OR11G2: variants seen among roughly 807,000 people sequenced by gnomAD.
The protein encoded by OR11G2 is olfactory receptor family 11 subfamily G member 2.
OR11G2 carries 2 observed loss-of-function variants against 0.9 expected under a neutral mutation model. The ratio of observed to expected loss-of-function variants is 2.35; its 90% CI spans 0.96 to 7.38. OR11G2 has a LOEUF of 7.38. Ranked by LOEUF, OR11G2 falls within the 30% of genes most tolerant of loss-of-function variation. The pLI, the probability that OR11G2 is intolerant of heterozygous loss-of-function variation, is 0.05. For synonymous variants in OR11G2, 153 were observed against 142.0 expected, an observed-to-expected ratio of 1.08 and a Z score of -0.55; for missense variants, 395 against 371.3, an observed-to-expected ratio of 1.06 and a Z score of -0.52.
At position 20,197,667 on chromosome 14, in the gene OR11G2, A is replaced by C. The variant is rs772386856; in HGVS notation, c.230A>C (p.Tyr77Ser). 1 of 1,613,908 alleles carries C rather than the reference A, an allele frequency of 6.2e-7. No individual in the cohort carries two copies. Among genetic ancestry groups the C allele is most frequent in the Admixed American group, 1.7e-5 (1 of 60,016 alleles). The change falls in exon 2 of 2, where the codon TAT (tyrosine) becomes TCT (serine). Residue 77 changes from tyrosine (Y) to serine (S), a missense_variant. Transcript: ENST00000641879. ...AACTTCTCCTTCTTGGAGATATGTT[A>C]TGTCACCTCCACAGTCCCCAGCATG... The part of the protein sequence containing the change: ...LANFSFLEIC[Y>S]VTSTVPSMLA...
chr14:20,194,190 G>A (rs1372782172), intron 1 of OR11G2, among the ~76,000 whole-genome samples: 1 of 152,150 alleles, frequency 6.6e-6, no homozygotes, highest in Non-Finnish European at 1.5e-5. Context: ...TGAAATCTAT[G>A]TGCAAGGAAA....
At chr14:20,196,197 T>G (rs1879749497) in intron 1 of OR11G2, among the ~76,000 whole-genome samples, 1 of 152,224 alleles carries the variant, frequency 6.6e-6, no homozygotes, top group Non-Finnish European at 1.5e-5. Context: ...AAAGTTATCC[T>G]GTTTCTATGC....
chr14:20,200,061 G>A lies in OR11G2; in HGVS notation c.*1688G>A, dbSNP rs919173983. The stretch of plus-strand genomic sequence containing the variant: ...TGGAGTGAAAGGTCATGCTATGATT[G>A]AAGTGTCTTCACTAATCCAAATACC... On this transcript the variant is annotated 3_prime_UTR_variant, in exon 2 of 2. Coordinates refer to ENST00000641879, the MANE Select transcript of OR11G2 (RefSeq NM_001386033.1). The A allele has an allele frequency of 6.7e-6, 1 of 148,950 alleles. No individual in the cohort carries two copies. The highest frequency in any genetic ancestry group is 1.5e-5 in the Non-Finnish European group (1 of 67,532). 9.2% of individuals were successfully genotyped at this position (148,950 alleles called of 1,614,324 possible). A position where few individuals can be genotyped will look rare whatever the true frequency, so the allele number is the denominator to read the frequency against.
chr14:20,198,202 C>G lies in OR11G2; in HGVS notation c.765C>G (p.Phe255Leu), dbSNP rs146491252. 1.9e-6 allele frequency: 3 copies of G among 1,614,012 alleles called. No homozygotes were observed. The African/African-American group carries it at 4.0e-5, about 22-fold the overall frequency. The change falls in exon 2 of 2, where the codon TTC (phenylalanine) becomes TTG (leucine). Residue 255 changes from phenylalanine (F) to leucine (L), a missense_variant. Phe to Leu is a conservative substitution (Grantham distance 22). Transcript: ENST00000641879. ...CTCACCTGGCTGTGGTTTCACTGTT[C>G]TACGGCTCAGTACTGGTCATGTATG... ...CGSHLAVVSL[F>L]YGSVLVMYGS... is the part of the protein sequence containing the mutation.
Position 20,197,701 on chromosome 14 carries a change from C to A in OR11G2, c.264C>A (p.Asn88Lys). 3 of 1,614,006 alleles carry A rather than the reference C, an allele frequency of 1.9e-6. No individual in the cohort carries two copies. The highest frequency in any genetic ancestry group is 2.7e-5 in the African/African-American group (2 of 75,042). Reference sequence around the variant, plus strand: ...CCACAGTCCCCAGCATGCTGGCCAACTTCCTCTCTGACACCAAGATCATCT... The same window carrying A: ...CCACAGTCCCCAGCATGCTGGCCAAATTCCTCTCTGACACCAAGATCATCT... ...VTSTVPSMLA[N>K]FLSDTKIISF... Residue 88 changes from asparagine to lysine, a missense_variant, in exon 2 of 2, where the codon AAC becomes AAA. By Grantham distance (94) the Asn-to-Lys change is moderately conservative (BLOSUM62 0). Coordinates refer to ENST00000641879, the MANE Select transcript of OR11G2 (RefSeq NM_001386033.1).
intron 1 of OR11G2, among the ~76,000 whole-genome samples, chr14:20,194,065 G>C (rs1302820812): frequency 6.6e-6 from 1 of 152,202 alleles, no homozygotes; most frequent in South Asian, 2.1e-4. Context: ...GTGTGTGAGA[G>C]AGAGAAAGTT....
At chr14:20,195,022 A>G (rs1202921400) in intron 1 of OR11G2, among the ~76,000 whole-genome samples, 1 of 152,200 alleles carries the variant, frequency 6.6e-6, no homozygotes, top group Non-Finnish European at 1.5e-5. Context: ...AAAAGTGGAG[A>G]AGCAGAAAAG....
chr14:20,200,695 T>C lies in OR11G2; in HGVS notation c.*2322T>C, dbSNP rs555527541. On this transcript the variant is annotated 3_prime_UTR_variant, in exon 2 of 2. Coordinates refer to ENST00000641879, the MANE Select transcript of OR11G2 (RefSeq NM_001386033.1). ...CAGATATTTTTACACATGTGGGAAA[T>C]GTTTACTGCAGCATTGTTGTAATAG... 2 of 152,246 alleles carry C rather than the reference T, an allele frequency of 1.3e-5. No individual in the cohort carries two copies. Among genetic ancestry groups the C allele is most frequent in the South Asian group, 2.1e-4 (1 of 4,834 alleles). 9.4% of individuals were successfully genotyped at this position (152,246 alleles called of 1,614,324 possible).
chr14:20,201,033 A>G lies in OR11G2; in HGVS notation c.*2660A>G, dbSNP rs1047481495. The G allele has an allele frequency of 1.1e-4, 16 of 152,232 alleles. No individual in the cohort carries two copies. Among genetic ancestry groups the G allele is most frequent in the Admixed American group, 3.3e-4 (5 of 15,298 alleles). The allele number at this position is 152,232 out of a possible 1,614,324, so 9.4% of individuals were successfully genotyped here. On this transcript the variant is annotated 3_prime_UTR_variant, in exon 2 of 2. Coordinates refer to ENST00000641879, the MANE Select transcript of OR11G2 (RefSeq NM_001386033.1). ...AGATAGTAAAGGAGACTTTTTTTTC[A>G]TAACTCCTTTTGTGCGTTCAAATTC... is the stretch of plus-strand genomic sequence containing the variant.
rs1879884678 is a variant in OR11G2, at chr14:20,200,647, C to T, written c.*2274C>T. 6.6e-6 allele frequency: 1 copy of T among 152,116 alleles called. No homozygotes were observed. The highest frequency in any genetic ancestry group is 2.1e-4 in the South Asian group (1 of 4,822). The allele number at this position is 152,116 out of a possible 1,614,324, so 9.4% of individuals were successfully genotyped here. ...ACACATATCCTTTAAAACAGCACCT[C>T]AACTTTTAAGTTGTTTAACCTACAG... On this transcript the variant is annotated 3_prime_UTR_variant, in exon 2 of 2. Coordinates refer to ENST00000641879, the MANE Select transcript of OR11G2 (RefSeq NM_001386033.1).
In OR11G2 at chr14:20,198,097, G is replaced by T. The variant is rs1283989708; in HGVS notation, c.660G>T (p.Gly220=). The T allele has an allele frequency of 6.2e-7, 1 of 1,614,020 alleles. No individual in the cohort carries two copies. The highest frequency in any genetic ancestry group is 8.5e-7 in the Non-Finnish European group (1 of 1,180,012). Residue 220 remains glycine, a synonymous_variant, in exon 2 of 2, where the codon GGG becomes GGT. Coordinates refer to ENST00000641879, the MANE Select transcript of OR11G2 (RefSeq NM_001386033.1). The part of the protein sequence containing the change: ...PVFMLFLFIV[G]SYALVVRAVL... Reference sequence around the variant, plus strand: ...TTATGCTCTTTCTCTTCATTGTGGGGTCCTATGCTCTGGTCGTGAGAGCTG... The same window carrying T: ...TTATGCTCTTTCTCTTCATTGTGGGTTCCTATGCTCTGGTCGTGAGAGCTG...
rs2139114874 is a variant in OR11G2 at position 20,198,076 on chromosome 14, G to T, written c.639G>T (p.Met213Ile). ...FSVLSPLPVF[M>I]LFLFIVGSYA... ...TCTTAAGTCCTCTGCCTGTCTTTAT[G>T]CTCTTTCTCTTCATTGTGGGGTCCT... is the stretch of plus-strand genomic sequence containing the variant. Residue 213 changes from methionine to isoleucine, a missense_variant, in exon 2 of 2, where the codon ATG becomes ATT. Physicochemically the swap from Met to Ile is conservative, Grantham distance 10 (BLOSUM62 1). Transcript: ENST00000641879. 1 of 1,614,046 alleles carries T rather than the reference G, an allele frequency of 6.2e-7. No homozygotes were observed.
rs1302599281 is a variant in OR11G2 at position 20,197,469 on chromosome 14, G to A, written c.32G>A (p.Ser11Asn). ...ATCTTCAACAGCCCCAGCAACTCCA[G>A]CACCTTCACTGGCTTCATCCTCCTG... is the stretch of plus-strand genomic sequence containing the variant. MKIFNSPSNS[S>N]TFTGFILLGF... Residue 11 changes from serine (S) to asparagine (N), a missense_variant, in exon 2 of 2, where the codon AGC (serine) becomes AAC (asparagine). By Grantham distance (46) the Ser-to-Asn change is conservative. Coordinates refer to ENST00000641879, the MANE Select transcript of OR11G2 (RefSeq NM_001386033.1). 8 of 1,613,844 alleles carry A rather than the reference G, an allele frequency of 5.0e-6. No homozygotes were observed. Among genetic ancestry groups the A allele is most frequent in the Non-Finnish European group, 6.8e-6 (8 of 1,180,020 alleles).
Position 20,198,132 on chromosome 14 carries a change from T to A in OR11G2, c.695T>A (p.Val232Asp), listed in dbSNP as rs1451531259. ...CTGGTCGTGAGAGCTGTGTTGAGGG[T>A]CCCTTCAGCAGCTGGGAGAAGAAAG... The part of the protein sequence containing the change: ...YALVVRAVLR[V>D]PSAAGRRKAF... The change falls in exon 2 of 2, where the codon GTC (valine) becomes GAC (aspartate). Residue 232 changes from valine to aspartate, a missense_variant. Physicochemically the swap from Val to Asp is radical, Grantham distance 152. Coordinates refer to ENST00000641879, the MANE Select transcript of OR11G2 (RefSeq NM_001386033.1). 1 of 1,614,118 alleles carries A rather than the reference T, an allele frequency of 6.2e-7. No homozygotes were observed. Among genetic ancestry groups the A allele is most frequent in the Non-Finnish European group, 8.5e-7 (1 of 1,180,028 alleles).
Position 20,198,896 on chromosome 14 carries a change from T to C in OR11G2, c.*523T>C, listed in dbSNP as rs985680813. 1 of 152,490 alleles carries C rather than the reference T, an allele frequency of 6.6e-6. No homozygotes were observed. The highest frequency in any genetic ancestry group is 6.5e-5 in the Admixed American group (1 of 15,310). The allele number at this position is 152,490 out of a possible 1,614,324, so 9.4% of individuals were successfully genotyped here. On this transcript the variant is annotated 3_prime_UTR_variant, in exon 2 of 2. Transcript: ENST00000641879. ...ATGTTTTTTAATTGACTGGTGGGCA[T>C]TGTATTTTAAAAACTATAAAGACAA...
At chr14:20,196,296 T>C (rs185780312) in intron 1 of OR11G2, among the ~76,000 whole-genome samples, 1 of 152,372 alleles carries the variant, frequency 6.6e-6, no homozygotes, top group Admixed American at 6.5e-5. Context: ...CAAAGTGGCA[T>C]GTTTAGGGGC....
rs188654623 is a variant in OR11G2, at chr14:20,198,952, A to C, written c.*579A>C. ...GCAGTAATGAAGGTTTTGTTCTAGC[A>C]AGTAGATGGAGTAGAGGCAGATCAC... On this transcript the variant is annotated 3_prime_UTR_variant, in exon 2 of 2. Coordinates refer to ENST00000641879, the MANE Select transcript of OR11G2 (RefSeq NM_001386033.1). 3.3e-5 allele frequency: 5 copies of C among 152,380 alleles called. No homozygotes were observed. Among genetic ancestry groups the C allele is most frequent in the African/African-American group, 9.6e-5 (4 of 41,566 alleles). The allele number at this position is 152,380 out of a possible 1,614,324, so 9.4% of individuals were successfully genotyped here.
intron 1 of OR11G2, among the ~76,000 whole-genome samples, chr14:20,193,777 C>T (rs1382935121): frequency 1.3e-5 from 2 of 152,128 alleles, no homozygotes; most frequent in African/African-American, 4.8e-5. Context: ...GACTATAGAG[C>T]CCATGAGACT....
chr14:20,192,518 T>C (rs879347047), intron 1 of OR11G2, among the ~76,000 whole-genome samples: 6 of 152,194 alleles, frequency 3.9e-5, no homozygotes, highest in Non-Finnish European at 8.8e-5. Context: ...TGGGACATGT[T>C]CTATCACCCA....
Sources: allele counts gnomAD v4.1 joint callset (sites outside exome capture counted in the v4.1 genomes callset), GRCh38; gene constraint gnomAD v4.1.1; transcripts MANE v1.5; gene names NCBI Gene and HGNC (gene_info 2026-07-23, HGNC 2026-07-21).